DNAH11: variants seen among roughly 807,000 people sequenced by gnomAD.
DNAH11 encodes the protein dynein axonemal heavy chain 11.
In DNAH11, 442 loss-of-function variants were observed where a neutral mutation model predicts 526.0. That is an observed-to-expected ratio of 0.84 (90% CI 0.78 to 0.91). The LOEUF is 0.91. DNAH11 is among the 40% of genes least tolerant of loss of function. The probability of loss-of-function intolerance (pLI) is 0.00; values close to 1 mark genes in which losing one functional copy is unlikely to be tolerated. For synonymous variants in DNAH11, 2,461 were observed against 1,935.9 expected, an observed-to-expected ratio of 1.27 and a Z score of -7.12; for missense variants, 6,989 against 5,448.7, an observed-to-expected ratio of 1.28 and a Z score of -8.90.
At chr7:21,845,498 G>A (rs1396583700) in intron 66 of DNAH11, among the ~76,000 whole-genome samples, 1 of 152,030 alleles carries the variant, frequency 6.6e-6, no homozygotes, top group Non-Finnish European at 1.5e-5. Context: ...TTTGATCCTT[G>A]TTAAAGATCA....
intron 18 of DNAH11, among the ~76,000 whole-genome samples, chr7:21,605,532 C>T (rs762850614): frequency 4.2e-4 from 64 of 152,164 alleles, no homozygotes; most frequent in Non-Finnish European, 7.1e-4. Flanking sequence ...AGGAATTAAC[C>T]TTTCTTCCCT....
At chr7:21,773,670 A>C (rs777303110) in intron 55 of DNAH11, 96 bp from the exon 56 acceptor site, 20 of 947,544 alleles carry the variant, frequency 2.1e-5, no homozygotes, top group Non-Finnish European at 2.7e-5. Flanking sequence ...TTTTTTTCTG[A>C]CTTTTAGAAA....
At chr7:21,607,231 C>T (rs1275683090) in intron 20 of DNAH11, among the ~76,000 whole-genome samples, 2 of 152,174 alleles carry the variant, frequency 1.3e-5, no homozygotes, top group South Asian at 4.2e-4. Context: ...GCATCTAGCA[C>T]GGGAGAAAGA....
chr7:21,547,694 C>T (rs766485375), intron 2 of DNAH11, among the ~76,000 whole-genome samples: 1 of 152,200 alleles, frequency 6.6e-6, no homozygotes. Flanking sequence ...CATGCATGAG[C>T]CATGAGGTTT....
At chr7:21,636,266 G>A (rs141416851) in intron 26 of DNAH11, among the ~76,000 whole-genome samples, 171 bp downstream of exon 26, 6 of 152,316 alleles carry the variant, frequency 3.9e-5, no homozygotes, top group African/African-American at 1.4e-4. Flanking sequence ...GGATCATGCA[G>A]CCTGTCTAAC....
chr7:21,743,614 G>T (rs1485608262), intron 49 of DNAH11, among the ~76,000 whole-genome samples: 1 of 152,144 alleles, frequency 6.6e-6, no homozygotes, highest in Admixed American at 6.5e-5. Flanking sequence ...CACAGCATTA[G>T]GCAGTAGCTT....
At chr7:21,752,606 A>G (rs1030435444) in intron 54 of DNAH11, among the ~76,000 whole-genome samples, 1 of 152,194 alleles carries the variant, frequency 6.6e-6, no homozygotes, top group Non-Finnish European at 1.5e-5. Flanking sequence ...AAAGGTTTAC[A>G]TGTTAATCAG....
intron 65 of DNAH11, among the ~76,000 whole-genome samples, chr7:21,830,386 A>T (rs1369471098): frequency 6.6e-6 from 1 of 152,240 alleles, no homozygotes; most frequent in African/African-American, 2.4e-5. Flanking sequence ...AAACAAGGAC[A>T]GAGTTTCTGA....
In DNAH11 at chr7:21,867,834, G is replaced by GT. The variant is rs5882827; in HGVS notation, c.11691-20dup. The GT allele has an allele frequency of 0.68, 1,055,563 of 1,548,976 alleles. 377,222 individuals carry two copies. The highest frequency in any genetic ancestry group is 0.75 in the Non-Finnish European group (854,513 of 1,145,260). On this transcript the variant is annotated intron_variant, in intron 71 of 81. Coordinates refer to ENST00000409508, the MANE Select transcript of DNAH11 (RefSeq NM_001277115.2). ...TTTCAAGGTCAAAACCACTGATCAT[G>GT]TTTTTATATTCTTGTTTTTTATAGA... is the stretch of plus-strand genomic sequence containing the variant.
intron 50 of DNAH11, 74 bp downstream of exon 50, chr7:21,744,673 G>T (rs1786064460): frequency 3.8e-6 from 6 of 1,570,006 alleles, no homozygotes; most frequent in Admixed American, 1.9e-5. Flanking sequence ...TTAGATGAGG[G>T]TATGAGAGAA....
At position 21,895,400 on chromosome 7, in the gene DNAH11, C is replaced by A. The variant is rs115690145; in HGVS notation, c.13049+401C>A. ...TTTACTTTGCAAGCCTGAGATTCCT[C>A]TGCCTTCTCATAGACAACCTTTGAA... On this transcript the variant is annotated intron_variant, in intron 79 of 81. Coordinates refer to ENST00000409508, the MANE Select transcript of DNAH11 (RefSeq NM_001277115.2). Among the ~76,000 whole-genome samples, 896 of 152,328 alleles carry A rather than the reference C, an allele frequency of 5.9e-3. 9 individuals carry two copies. Among genetic ancestry groups the A allele is most frequent in the African/African-American group, 0.02 (844 of 41,588 alleles).
chr7:21,681,162 C>T (rs1348419153), intron 30 of DNAH11, among the ~76,000 whole-genome samples: 1 of 152,056 alleles, frequency 6.6e-6, no homozygotes. Flanking sequence ...CGTGGTGGCT[C>T]ATGCCTGTAA....
chr7:21,571,272 G>A (rs143395856), intron 7 of DNAH11, among the ~76,000 whole-genome samples: 7 of 152,134 alleles, frequency 4.6e-5, no homozygotes, highest in Non-Finnish European at 8.8e-5. Flanking sequence ...CTTCTACTGC[G>A]AGATAGTTTT....
chr7:21,775,243 C>T (rs1181218243), intron 56 of DNAH11, among the ~76,000 whole-genome samples: 1 of 152,094 alleles, frequency 6.6e-6, no homozygotes, highest in Non-Finnish European at 1.5e-5. Flanking sequence ...CGGTTGGGAT[C>T]AAGTGATATT....
intron 54 of DNAH11, among the ~76,000 whole-genome samples, chr7:21,754,622 A>G (rs887487328): frequency 2.6e-5 from 4 of 151,680 alleles, no homozygotes; most frequent in Non-Finnish European, 5.9e-5. Context: ...CTTCCCTACT[A>G]AAATGAGTAG....
intron 25 of DNAH11, 52 bp from the exon 26 acceptor site, chr7:21,635,819 T>C: frequency 1.4e-6 from 2 of 1,460,226 alleles, no homozygotes; most frequent in Non-Finnish European, 1.9e-6. Context: ...CTCATAGCAC[T>C]CACATTCTAC....
At chr7:21,588,411 A>G in intron 10 of DNAH11, 101 bp from the exon 11 acceptor site, 1 of 1,449,584 alleles carries the variant, frequency 6.9e-7, no homozygotes, top group Non-Finnish European at 9.4e-7. Context: ...TATGTTTTAT[A>G]CTACTGTAAA....
At chr7:21,550,390 G>A (rs1782976219) in intron 2 of DNAH11, among the ~76,000 whole-genome samples, 1 of 152,122 alleles carries the variant, frequency 6.6e-6, no homozygotes, top group Admixed American at 6.5e-5. Flanking sequence ...GGAGTATATG[G>A]CCAGTATATA....
At chr7:21,831,476 A>G (rs557016404) in intron 65 of DNAH11, among the ~76,000 whole-genome samples, 5 of 152,300 alleles carry the variant, frequency 3.3e-5, no homozygotes, top group South Asian at 2.1e-4. Flanking sequence ...AAACACCCCA[A>G]TTGAGTATAA....
Sources: allele counts gnomAD v4.1 joint callset (sites outside exome capture counted in the v4.1 genomes callset), GRCh38; gene constraint gnomAD v4.1.1; transcripts MANE v1.5; gene names NCBI Gene and HGNC (gene_info 2026-07-23, HGNC 2026-07-21).